CD2AP: variants seen among roughly 807,000 people sequenced by gnomAD.
CD2AP encodes CD2 associated protein.
In CD2AP, 46 loss-of-function variants were observed where a neutral mutation model predicts 85.1. The observed-to-expected ratio is 0.54, with a 90% CI of 0.43 to 0.69. The LOEUF is 0.69. CD2AP is among the 30% of genes least tolerant of loss of function. The probability of loss-of-function intolerance (pLI) is 0.00; values close to 1 mark genes in which losing one functional copy is unlikely to be tolerated. For synonymous variants in CD2AP, 255 were observed against 252.9 expected (o/e 1.01, Z -0.08); for missense variants, 769 against 729.5 (o/e 1.05, Z -0.62).
chr6:47,583,458 T>G (rs1280464535), intron 11 of CD2AP, among the ~76,000 whole-genome samples: 1 of 152,190 alleles, frequency 6.6e-6, no homozygotes, highest in East Asian at 1.9e-4. Context: ...CAACCATTAA[T>G]TTTTTTAATG....
At chr6:47,480,757 C>T (rs772589770) in intron 1 of CD2AP, among the ~76,000 whole-genome samples, 2 of 152,202 alleles carry the variant, frequency 1.3e-5, no homozygotes, top group Non-Finnish European at 2.9e-5. Flanking sequence ...CAATTTTTGA[C>T]CTTTGTTAGA....
chr6:47,612,367 AG>A (rs1401060956), intron 16 of CD2AP, 105 bp from the exon 17 acceptor site: 8 of 742,886 alleles, frequency 1.1e-5, no homozygotes, highest in African/African-American at 8.8e-5. Context: ...GCCCTTAAAA[AG>A]TTTTTCCCAT....
In CD2AP at chr6:47,478,197, A is replaced by T; in HGVS notation, c.-48A>T. 6.4e-7 allele frequency: 1 copy of T among 1,560,958 alleles called. No homozygotes were observed. The highest frequency in any genetic ancestry group is 8.7e-7 in the Non-Finnish European group (1 of 1,153,246). On this transcript the variant is annotated 5_prime_UTR_variant, in exon 1 of 18. Transcript: ENST00000359314. ...CGGCCGCGCGAGCCACCACTGGAGG[A>T]GGAGGAGGAGGAGCGGACGTCGGCT...
At chr6:47,492,977 C>T (rs1294040961) in intron 1 of CD2AP, among the ~76,000 whole-genome samples, 1 of 152,148 alleles carries the variant, frequency 6.6e-6, no homozygotes, top group African/African-American at 2.4e-5. Flanking sequence ...AACACTGCAA[C>T]ACTTCATGTG....
At chr6:47,615,669 C>T (rs1350926469) in intron 17 of CD2AP, among the ~76,000 whole-genome samples, 2 of 152,062 alleles carry the variant, frequency 1.3e-5, no homozygotes, top group African/African-American at 4.8e-5. Flanking sequence ...CTGGCCCCAC[C>T]TCCAACACTG....
rs67626138 is a variant in CD2AP at position 47,549,460 on chromosome 6, CAAAAA to C, written c.420+4770_420+4774del. Among the ~76,000 whole-genome samples the C allele has an allele frequency of 2.1e-3, 234 of 110,696 alleles. 1 individual carries two copies. Among genetic ancestry groups the C allele is most frequent in the Middle Eastern group, 5.6e-3 (1 of 180 alleles). The allele number at this position is 110,696 out of a possible 152,430, so 72.6% of individuals were successfully genotyped here. A position where few individuals can be genotyped will look rare whatever the true frequency, so the allele number is the denominator to read the frequency against. Reference sequence around the variant, plus strand: ...AACTCAACGCCTTTTACAATAGCTGCAAAAAAAAAAAAAAAAAAAATAAGATGCTT... The same window carrying C: ...AACTCAACGCCTTTTACAATAGCTGCAAAAAAAAAAAAAAATAAGATGCTT... On this transcript the variant is annotated intron_variant, in intron 4 of 17. Transcript: ENST00000359314.
Position 47,606,239 on chromosome 6 carries a change from G to A in CD2AP, c.1492G>A (p.Gly498Arg). 2 of 1,611,204 alleles carry A rather than the reference G, an allele frequency of 1.2e-6. No homozygotes were observed. The highest frequency in any genetic ancestry group is 1.7e-6 in the Non-Finnish European group (2 of 1,177,592). The change falls in exon 14 of 18, where the codon GGA (glycine) becomes AGA (arginine). Residue 498 changes from glycine to arginine, a missense_variant. By Grantham distance (125) the Gly-to-Arg change is moderately radical. Transcript: ENST00000359314. ...CACTGCAAATAGACCAAAGATGCCT[G>A]GAAGAAGGTTGCCGGGCCGTTTCAA... ...HLTANRPKMPGRRLPGRFNGG... is the reference protein window; with the variant it reads ...HLTANRPKMPRRRLPGRFNGG...
chr6:47,609,170 A>T lies in CD2AP; in HGVS notation c.1680A>T (p.Thr560=). 3.1e-6 allele frequency: 5 copies of T among 1,613,630 alleles called. No individual in the cohort carries two copies. In the Middle Eastern group the frequency reaches 8.4e-4, roughly 270 times the overall value. Residue 560 remains threonine, a synonymous_variant, in exon 16 of 18, where the codon ACA becomes ACT. Coordinates refer to ENST00000359314, the MANE Select transcript of CD2AP (RefSeq NM_012120.3). Reference sequence around the variant, plus strand: ...CTTCCAGTGCTTCTAAAGCAAATACAACTGCTTTCCTGACTCCATTAGAAA... The same window carrying T: ...CTTCCAGTGCTTCTAAAGCAAATACTACTGCTTTCCTGACTCCATTAGAAA... ...STPSSASKAN[T]TAFLTPLEIK... is the part of the protein sequence containing the mutation.
chr6:47,494,178 G>A (rs1366765743), intron 1 of CD2AP, among the ~76,000 whole-genome samples: 5 of 152,084 alleles, frequency 3.3e-5, no homozygotes, highest in Non-Finnish European at 7.4e-5. Flanking sequence ...TAGTTAAATC[G>A]TTAGTGTGAG....
chr6:47,505,605 C>T (rs2113984367), intron 2 of CD2AP, among the ~76,000 whole-genome samples: 1 of 120,570 alleles, frequency 8.3e-6, no homozygotes, highest in Non-Finnish European at 1.8e-5. Context: ...GACGGGGCGG[C>T]TGGCCGGGCG....
intron 4 of CD2AP, among the ~76,000 whole-genome samples, chr6:47,552,692 G>A (rs368124284): frequency 6.6e-6 from 1 of 152,078 alleles, no homozygotes; most frequent in East Asian, 1.9e-4. Flanking sequence ...TGGGGTTCCA[G>A]GTATAGGTAA....
intron 1 of CD2AP, among the ~76,000 whole-genome samples, chr6:47,480,971 T>C (rs1765428019): frequency 6.6e-6 from 1 of 152,224 alleles, no homozygotes; most frequent in African/African-American, 2.4e-5. Flanking sequence ...CTAGTAGACT[T>C]ATTTGAAGTT....
Position 47,595,842 on chromosome 6 carries a change from G to A in CD2AP, c.1109-19G>A. On this transcript the variant is annotated intron_variant, in intron 11 of 17. Coordinates refer to ENST00000359314, the MANE Select transcript of CD2AP (RefSeq NM_012120.3). ...ATAATTTTGATTGTTAATAACTTGT[G>A]AAATATTTTAAATCTTAGATGAAAA... The A allele has an allele frequency of 6.2e-7, 1 of 1,603,114 alleles. No homozygotes were observed.
At chr6:47,604,135 G>A (rs958597231) in intron 13 of CD2AP, among the ~76,000 whole-genome samples, 2 of 151,980 alleles carry the variant, frequency 1.3e-5, no homozygotes, top group East Asian at 1.9e-4. Context: ...TCCTAGCAAC[G>A]TGCAGATTGT....
intron 3 of CD2AP, 26 bp downstream of exon 3, chr6:47,533,781 T>G: frequency 6.2e-7 from 1 of 1,608,388 alleles, no homozygotes; most frequent in Non-Finnish European, 8.5e-7. Context: ...CTTTCCTGCA[T>G]AATTACATCA....
At chr6:47,487,759 A>G (rs1187095530) in intron 1 of CD2AP, among the ~76,000 whole-genome samples, 1 of 152,090 alleles carries the variant, frequency 6.6e-6, no homozygotes, top group African/African-American at 2.4e-5. Flanking sequence ...AAATGACCTT[A>G]CTTGATCTGA....
chr6:47,511,298 G>A (rs1365281674), intron 2 of CD2AP, among the ~76,000 whole-genome samples: 1 of 152,024 alleles, frequency 6.6e-6, no homozygotes, highest in African/African-American at 2.4e-5. Flanking sequence ...AAACTAAATT[G>A]AGAGACATTC....
intron 6 of CD2AP, among the ~76,000 whole-genome samples, chr6:47,575,763 T>C (rs1450941648): frequency 6.6e-6 from 1 of 152,170 alleles, no homozygotes; most frequent in African/African-American, 2.4e-5. Context: ...AATGGAAAAA[T>C]GTCTAGTAGA....
intron 17 of CD2AP, among the ~76,000 whole-genome samples, chr6:47,619,138 T>C (rs981994673): frequency 2.0e-5 from 3 of 152,206 alleles, no homozygotes; most frequent in African/African-American, 4.8e-5. Context: ...GTAAGTTCTT[T>C]AGTGGTGATT....
Sources: gnomAD v4.1 joint callset for allele counts (sites outside exome capture counted in the v4.1 genomes callset) on GRCh38, gnomAD v4.1.1 for gene constraint, MANE v1.5 for transcripts, NCBI Gene and HGNC (gene_info 2026-07-23, HGNC 2026-07-21) for gene names.